The following CCDC40 variants were observed in gnomAD, a reference collection of about 807,000 sequenced individuals.
CCDC40 encodes coiled-coil domain-containing protein 40.
Under a neutral mutation model 124.5 loss-of-function variants are expected in CCDC40, and 104 were observed. The ratio of observed to expected loss-of-function variants is 0.84; its 90% CI spans 0.71 to 0.98. The LOEUF (loss-of-function observed/expected upper bound fraction) is 0.98. Among genes scored for constraint, CCDC40 ranks in the 50% least tolerant of loss-of-function variants. CCDC40 has a pLI of 0.00. For missense variants in CCDC40, 1,463 were observed against 1,503.9 expected, an observed-to-expected ratio of 0.97 and a Z score of 0.45; for synonymous variants, 580 against 602.9, an observed-to-expected ratio of 0.96 and a Z score of 0.56.
chr17:80,085,526 C>T (rs756858885), intron 13 of CCDC40, among the ~76,000 whole-genome samples: 2 of 152,184 alleles, frequency 1.3e-5, no homozygotes, highest in Non-Finnish European at 2.9e-5. Context: ...GCCATATTTC[C>T]TCCAGCGGGG....
chr17:80,048,579 C>A lies in CCDC40; in HGVS notation c.677-4C>A, dbSNP rs2289530. 6 of 1,611,984 alleles carry A rather than the reference C, an allele frequency of 3.7e-6. No individual in the cohort carries two copies. Among genetic ancestry groups the A allele is most frequent in the African/African-American group, 2.7e-5 (2 of 74,992 alleles). On this transcript the variant is annotated splice_region_variant and splice_polypyrimidine_tract_variant and intron_variant, in intron 4 of 19. Transcript: ENST00000397545. ...CTCAATGGTGTCGCTGTCTCTCCCC[C>A]CAGTGATCCCCCCAGGGGTGCCCGA... is the stretch of plus-strand genomic sequence containing the variant.
At chr17:80,074,143 C>T (rs2038256744) in intron 10 of CCDC40, among the ~76,000 whole-genome samples, 1 of 152,180 alleles carries the variant, frequency 6.6e-6, no homozygotes, top group African/African-American at 2.4e-5. Context: ...AAGTGCTGCT[C>T]TAATGAACAC....
intron 10 of CCDC40, among the ~76,000 whole-genome samples, chr17:80,080,616 T>A (rs2038425141): frequency 6.6e-6 from 1 of 152,204 alleles, no homozygotes. Flanking sequence ...AAAGCTGGAC[T>A]ATTTCCTTCC....
rs749534555 is a variant in CCDC40, at chr17:80,039,878, G to A, written c.160G>A (p.Glu54Lys). The change falls in exon 3 of 20, where the codon GAG becomes AAG. Residue 54 changes from glutamate to lysine, a missense_variant. By Grantham distance (56) the Glu-to-Lys change is moderately conservative. Transcript: ENST00000397545. Reference protein sequence around the residue: ...EEAVGSTEHPEEVTTQAEAAI... With the variant: ...EEAVGSTEHPKEVTTQAEAAI... ...AGCTGTCGGTAGCACAGAGCATCCT[G>A]AGGAAGTCACAACCCAAGCGGAAGC... is the stretch of plus-strand genomic sequence containing the variant. 1.9e-6 allele frequency: 3 copies of A among 1,613,850 alleles called. No homozygotes were observed. The highest frequency in any genetic ancestry group is 2.2e-5 in the South Asian group (2 of 91,082).
chr17:80,038,230 G>C (rs1340456590), intron 2 of CCDC40, 44 bp downstream of exon 2: 1 of 1,321,236 alleles, frequency 7.6e-7, no homozygotes, highest in Non-Finnish European at 1.1e-6. Flanking sequence ...ATATTTACTA[G>C]GAATTAAAGA....
intron 19 of CCDC40, among the ~76,000 whole-genome samples, chr17:80,099,283 T>TC (rs2038869394): frequency 6.7e-6 from 1 of 149,812 alleles, no homozygotes; most frequent in Admixed American, 6.6e-5. Context: ...AGAGCAAGAC[T>TC]CCATCTCAAA....
chr17:80,049,825 C>T (rs1233225694), intron 5 of CCDC40, 81 bp from the exon 6 acceptor site: 1 of 1,205,774 alleles, frequency 8.3e-7, no homozygotes, highest in Admixed American at 1.7e-5. Context: ...GGAGGGAGAC[C>T]TGTGGCCACC....
At chr17:80,044,701 ACAAACAAAAAAAAAAATATATATAT>A (rs2037370542) in intron 3 of CCDC40, among the ~76,000 whole-genome samples, 2 of 44,870 alleles carry the variant, frequency 4.5e-5, no homozygotes, top group African/African-American at 1.8e-4. Flanking sequence ...AACAAAACAA[ACAAACAAAAAAAAAAATATATATAT>A]ATATATATAT....
intron 10 of CCDC40, among the ~76,000 whole-genome samples, chr17:80,074,184 G>A (rs569631147): frequency 5.3e-5 from 8 of 152,296 alleles, no homozygotes; most frequent in African/African-American, 1.4e-4. Context: ...CTAATTGCGC[G>A]TCTGGAGAAA....
chr17:80,074,514 T>A (rs143963597), intron 10 of CCDC40, among the ~76,000 whole-genome samples: 32 of 152,236 alleles, frequency 2.1e-4, no homozygotes, highest in Non-Finnish European at 4.7e-4. Flanking sequence ...GTGGGCATGC[T>A]AGCTCAAGTA....
At position 80,086,471 on chromosome 17, in the gene CCDC40, C is replaced by T; in HGVS notation, c.2449+255C>T. 1 of 474,828 alleles carries T rather than the reference C, an allele frequency of 2.1e-6. No individual in the cohort carries two copies. Among genetic ancestry groups the T allele is most frequent in the Non-Finnish European group, 3.9e-6 (1 of 257,540 alleles). The allele number at this position is 474,828 out of a possible 1,614,324, so 29.4% of individuals were successfully genotyped here. A position where few individuals can be genotyped will look rare whatever the true frequency, so the allele number is the denominator to read the frequency against. ...CCAAGCTCACGGACTTCAGAGCTCT[C>T]CTTGAGAGAGGAGCATGGAAGGTTA... On this transcript the variant is annotated intron_variant, in intron 14 of 19. Coordinates refer to ENST00000397545, the MANE Select transcript of CCDC40 (RefSeq NM_017950.4). This position sits in a 1 kb window ranked among gnomAD's most constrained non-coding sequence, Gnocchi z 5.5.
chr17:80,048,560 G>A (rs1342631159), intron 4 of CCDC40, 23 bp from the exon 5 acceptor site: 1 of 1,602,084 alleles, frequency 6.2e-7, no homozygotes, highest in East Asian at 2.2e-5. Context: ...GCTCCTCAAT[G>A]GTGTCGCTGT....
chr17:80,047,592 C>T (rs1426775225), intron 4 of CCDC40, 190 bp downstream of exon 4: 10 of 638,128 alleles, frequency 1.6e-5, no homozygotes, highest in Non-Finnish European at 2.5e-5. Flanking sequence ...CTCATTTAAT[C>T]CTAACAGTGA....
intron 3 of CCDC40, among the ~76,000 whole-genome samples, chr17:80,046,410 G>A (rs772769765): frequency 2.0e-5 from 3 of 152,044 alleles, no homozygotes; most frequent in Non-Finnish European, 4.4e-5. Flanking sequence ...GTGTGCACCT[G>A]TAATCCCAGC....
chr17:80,053,131 A>T (rs1412665791), intron 7 of CCDC40, among the ~76,000 whole-genome samples: 1 of 152,234 alleles, frequency 6.6e-6, no homozygotes, highest in Non-Finnish European at 1.5e-5. Flanking sequence ...GCAATAGCCA[A>T]TGTCCAGGAG....
chr17:80,056,016 A>ATT lies in CCDC40; in HGVS notation c.1160-2464_1160-2463dup, dbSNP rs1193599741. 1.1e-3 allele frequency among the ~76,000 whole-genome samples: 11 copies of ATT among 10,252 alleles called. 3 individuals are homozygous for ATT. The South Asian group carries it at 0.038, about 36-fold the overall frequency. 6.7% of individuals were successfully genotyped at this position (10,252 alleles called of 152,430 possible). On this transcript the variant is annotated intron_variant, in intron 7 of 19. Coordinates refer to ENST00000397545, the MANE Select transcript of CCDC40 (RefSeq NM_017950.4). ...TATATATATATATATATATATATAT[A>ATT]TTTTTTTTTTTTTTTGGTAGAAACA...
At chr17:80,075,770 C>T (rs919889100) in intron 10 of CCDC40, among the ~76,000 whole-genome samples, 4 of 151,404 alleles carry the variant, frequency 2.6e-5, no homozygotes, top group East Asian at 1.9e-4. Context: ...TGAGCCACTG[C>T]GCCCGGCCCC....
intron 17 of CCDC40, among the ~76,000 whole-genome samples, chr17:80,093,804 G>A (rs937210399): frequency 6.6e-6 from 1 of 152,098 alleles, no homozygotes; most frequent in Admixed American, 6.5e-5. Context: ...GTGAGCCACC[G>A]CACCCGGCCT....
At chr17:80,059,640 A>G (rs1191397605) in intron 9 of CCDC40, among the ~76,000 whole-genome samples, 1 of 151,710 alleles carries the variant, frequency 6.6e-6, no homozygotes, top group African/African-American at 2.4e-5. Context: ...GCTCACTGCA[A>G]CCTCCGCCTC....
Sources: allele counts gnomAD v4.1 joint callset (sites outside exome capture counted in the v4.1 genomes callset), GRCh38; gene constraint gnomAD v4.1.1; non-coding constraint Gnocchi (gnomAD v3.1); transcripts MANE v1.5; gene names NCBI Gene and HGNC (gene_info 2026-07-23, HGNC 2026-07-21).